The following GLI3 variants were observed in gnomAD, a reference collection of about 807,000 sequenced individuals.
GLI3 encodes GLI family zinc finger 3, also known as transcription activator GLI3.
In GLI3, 20 loss-of-function variants were observed where a neutral mutation model predicts 100.8. That is an observed-to-expected ratio of 0.20 (90% confidence interval 0.14 to 0.29). The LOEUF is 0.29. Among genes scored for constraint, GLI3 ranks in the 10% least tolerant of loss-of-function variants. The pLI, the probability that GLI3 is intolerant of heterozygous loss-of-function variation, is 1.00. For synonymous variants in GLI3, 938 were observed against 860.5 expected (o/e 1.09, Z -1.58); for missense variants, 2,040 against 2,128.5 (o/e 0.96, Z 0.82).
At chr7:42,191,169 T>G (rs1007032952) in intron 2 of GLI3, among the ~76,000 whole-genome samples, 6 of 152,170 alleles carry the variant, frequency 3.9e-5, no homozygotes, top group East Asian at 1.9e-4. Context: ...TATTGGCAGA[T>G]AGTATTATAG....
chr7:42,071,797 G>A (rs1373584011), intron 4 of GLI3, among the ~76,000 whole-genome samples: 2 of 152,096 alleles, frequency 1.3e-5, no homozygotes, highest in Admixed American at 6.6e-5. Flanking sequence ...CGGGGGCGAG[G>A]CCTTACCTAT....
intron 1 of GLI3, among the ~76,000 whole-genome samples, chr7:42,225,214 T>C (rs977440614): frequency 1.3e-5 from 2 of 152,234 alleles, no homozygotes; most frequent in Non-Finnish European, 2.9e-5. Flanking sequence ...ACCATTTGTA[T>C]CAGTGTTTCT....
chr7:42,022,929 C>T (rs1157025120), intron 10 of GLI3, among the ~76,000 whole-genome samples: 1 of 152,102 alleles, frequency 6.6e-6, no homozygotes, highest in East Asian at 1.9e-4. Flanking sequence ...TTTAAAAACA[C>T]TTACAACTTT....
intron 1 of GLI3, among the ~76,000 whole-genome samples, chr7:42,244,599 T>C (rs982603223): frequency 1.3e-5 from 2 of 152,170 alleles, no homozygotes; most frequent in African/African-American, 4.8e-5. Flanking sequence ...ATTATCTTTG[T>C]ATGGGCCAGG....
chr7:42,244,911 T>A (rs1377565336), intron 1 of GLI3, among the ~76,000 whole-genome samples: 3 of 152,202 alleles, frequency 2.0e-5, no homozygotes. Flanking sequence ...CCTTTTACAA[T>A]AGGTCTTCTA....
intron 10 of GLI3, among the ~76,000 whole-genome samples, chr7:41,994,887 G>A (rs1300224585): frequency 1.3e-5 from 2 of 152,130 alleles, no homozygotes; most frequent in African/African-American, 2.4e-5. Flanking sequence ...TGACATATAC[G>A]TGGCTTTCAT....
At chr7:41,986,943 G>C (rs1055436707) in intron 10 of GLI3, among the ~76,000 whole-genome samples, 5 of 150,668 alleles carry the variant, frequency 3.3e-5, no homozygotes, top group African/African-American at 1.2e-4. Context: ...TAGGAAGAAG[G>C]TTGAAGGAAC....
intron 2 of GLI3, chr7:42,152,037 A>C (rs1463024929): frequency 1.3e-5 from 2 of 152,086 alleles, no homozygotes; most frequent in African/African-American, 4.8e-5. Flanking sequence ...CATCTATCCG[A>C]TTTCTCATGG....
At chr7:42,148,649 A>C (rs916953012) in intron 2 of GLI3, among the ~76,000 whole-genome samples, 181 bp from the exon 3 acceptor site, 2 of 152,192 alleles carry the variant, frequency 1.3e-5, no homozygotes. Context: ...ATTGTTTATG[A>C]ATGAGGGTCC....
intron 2 of GLI3, among the ~76,000 whole-genome samples, chr7:42,163,636 G>A (rs952685685): frequency 1.3e-5 from 2 of 151,982 alleles, no homozygotes; most frequent in African/African-American, 4.8e-5. Flanking sequence ...TACCATGTTG[G>A]TCAGGCTGGT....
rs573909106 is a variant in GLI3 at position 42,148,231 on chromosome 7, T to G, written c.362A>C (p.His121Pro). 7 of 1,609,666 alleles carry G rather than the reference T, an allele frequency of 4.3e-6. No individual in the cohort carries two copies. In the African/African-American group the frequency reaches 8.0e-5, roughly 19 times the overall value. The change falls in exon 3 of 15, where the codon CAC (histidine) becomes CCC (proline). Residue 121 changes from histidine to proline, a missense_variant. This residue lies in a region of GLI3 where 603 missense variants were observed against 690.9 expected (regional missense o/e 0.87). Transcript: ENST00000395925. ...MDPRNGYMEP[H>P]YHPPHLFPAF... ...CGACTGGCATGGGCACTTACGGTAG[T>G]GGGGCTCCATGTAACCATTCCTGGG...
At chr7:41,973,099 A>C (rs764316526) in intron 12 of GLI3, among the ~76,000 whole-genome samples, 32 of 152,236 alleles carry the variant, frequency 2.1e-4, no homozygotes, top group Non-Finnish European at 3.7e-4. Context: ...TGTGAGATCT[A>C]ATATCACTCT....
At chr7:42,116,115 G>C (rs1785848096) in intron 3 of GLI3, among the ~76,000 whole-genome samples, 1 of 151,988 alleles carries the variant, frequency 6.6e-6, no homozygotes, top group Non-Finnish European at 1.5e-5. Flanking sequence ...ACACATTTCT[G>C]CAAGACCTAT....
rs749845743 is a variant in GLI3 at position 42,202,342 on chromosome 7, TCTCTCACACA to T, written c.124+20778_124+20787del. Among the ~76,000 whole-genome samples the T allele has an allele frequency of 5.0e-3, 217 of 43,026 alleles. No individual in the cohort carries two copies. In the Middle Eastern group the frequency reaches 0.054, roughly 11 times the overall value. 28.2% of individuals were successfully genotyped at this position (43,026 alleles called of 152,430 possible). A position where few individuals can be genotyped will look rare whatever the true frequency, so the allele number is the denominator to read the frequency against. The stretch of plus-strand genomic sequence containing the variant: ...CTGTCTCTCTCTCTCTCTCTCTCTC[TCTCTCACACA>T]CACACACACACACACACACACACAC... On this transcript the variant is annotated intron_variant, in intron 2 of 14. Transcript: ENST00000395925.
chr7:42,141,740 C>T (rs924199524), intron 3 of GLI3, among the ~76,000 whole-genome samples: 1 of 152,090 alleles, frequency 6.6e-6, no homozygotes, highest in Non-Finnish European at 1.5e-5. Flanking sequence ...TTGTACATTG[C>T]CTGCTCTCAG....
At chr7:41,983,351 A>G (rs1408229299) in intron 10 of GLI3, among the ~76,000 whole-genome samples, 2 of 152,244 alleles carry the variant, frequency 1.3e-5, no homozygotes, top group Admixed American at 1.3e-4. Context: ...ACATTAGGCC[A>G]AACTTCACTG....
At chr7:42,092,819 TTA>T (rs1562725024) in intron 3 of GLI3, among the ~76,000 whole-genome samples, 2 of 96,950 alleles carry the variant, frequency 2.1e-5, no homozygotes, top group African/African-American at 7.1e-5. Context: ...ATTTATGTAT[TTA>T]TGTATTTATA....
chr7:42,205,729 T>C (rs372802853), intron 2 of GLI3, among the ~76,000 whole-genome samples: 10 of 152,262 alleles, frequency 6.6e-5, no homozygotes, highest in African/African-American at 2.4e-4. Flanking sequence ...AGCAAACACC[T>C]GTTAGGTCTT....
intron 4 of GLI3, among the ~76,000 whole-genome samples, chr7:42,071,335 G>A (rs1784780835): frequency 6.6e-6 from 1 of 152,048 alleles, no homozygotes; most frequent in Non-Finnish European, 1.5e-5. Context: ...AACACTGGGT[G>A]GAGGAGGCGG....
Sources: gnomAD v4.1 joint callset for allele counts (sites outside exome capture counted in the v4.1 genomes callset) on GRCh38, gnomAD v4.1.1 for gene constraint, gnomAD v4.1.1 regional missense constraint, MANE v1.5 for transcripts, NCBI Gene and HGNC (gene_info 2026-07-23, HGNC 2026-07-21) for gene names.